ADAMDEC1: variants seen among roughly 807,000 people sequenced by gnomAD.
ADAMDEC1 encodes ADAM DEC1.
Under a neutral mutation model 60.4 loss-of-function variants are expected in ADAMDEC1, and 62 were observed. The observed-to-expected ratio is 1.03, with a 90% confidence interval of 0.84 to 1.27. ADAMDEC1 has a LOEUF of 1.27. Ranked by LOEUF, ADAMDEC1 falls within the 50% of genes most tolerant of loss-of-function variation. The probability of loss-of-function intolerance (pLI) is 0.00; values close to 1 mark genes in which losing one functional copy is unlikely to be tolerated. For missense variants in ADAMDEC1, 595 were observed against 565.0 expected (o/e 1.05, Z -0.54); for synonymous variants, 210 against 195.1 (o/e 1.08, Z -0.64).
intron 4 of ADAMDEC1, among the ~76,000 whole-genome samples, chr8:24,394,904 T>A (rs1190835981): frequency 6.6e-6 from 1 of 152,238 alleles, no homozygotes; most frequent in Non-Finnish European, 1.5e-5. Flanking sequence ...TAATGAGGAA[T>A]CTTCTCAAGT....
chr8:24,386,233 T>C (rs1817288347), intron 1 of ADAMDEC1, among the ~76,000 whole-genome samples: 1 of 152,226 alleles, frequency 6.6e-6, no homozygotes, highest in African/African-American at 2.4e-5. Context: ...GTTAACTATA[T>C]AATTTTATAC....
intron 2 of ADAMDEC1, 58 bp from the exon 3 acceptor site, chr8:24,393,204 T>C (rs939139891): frequency 2.8e-6 from 3 of 1,076,878 alleles, no homozygotes; most frequent in Non-Finnish European, 4.1e-6. Flanking sequence ...ACTACATATA[T>C]AATTATTTTA....
At chr8:24,395,458 TTAA>T (rs1817581584) in intron 4 of ADAMDEC1, among the ~76,000 whole-genome samples, 1 of 152,186 alleles carries the variant, frequency 6.6e-6, no homozygotes, top group Non-Finnish European at 1.5e-5. Context: ...TTAGTGTAAA[TTAA>T]TGTCAGAAAA....
In ADAMDEC1 at chr8:24,384,578, T is replaced by C. The variant is rs576934138; in HGVS notation, c.74T>C (p.Ile25Thr). Residue 25 changes from isoleucine (I) to threonine (T), a missense_variant, in exon 1 of 14, where the codon ATT (isoleucine) becomes ACT (threonine). By Grantham distance (89) the Ile-to-Thr change is moderately conservative. Coordinates refer to ENST00000256412, the MANE Select transcript of ADAMDEC1 (RefSeq NM_014479.3). ...GTCCTGCTGCCTGTACTTTGGCTCA[T>C]TGTTCAAACTCAAGGTACGTACCAT... ...SWVLLPVLWLIVQTQAIAIKQ... is the reference protein window; with the variant it reads ...SWVLLPVLWLTVQTQAIAIKQ... 6 of 1,610,814 alleles carry C rather than the reference T, an allele frequency of 3.7e-6. No individual in the cohort carries two copies. In the South Asian group the frequency reaches 4.4e-5, roughly 12 times the overall value.
chr8:24,404,241 T>C (rs1817835813), intron 13 of ADAMDEC1, among the ~76,000 whole-genome samples, 153 bp downstream of exon 13: 1 of 152,188 alleles, frequency 6.6e-6, no homozygotes, highest in South Asian at 2.1e-4. Context: ...CTAGCAATCA[T>C]TATGAGCATG....
rs767695894 is a variant in ADAMDEC1 at position 24,394,120 on chromosome 8, G to A, written c.336G>A (p.Glu112=). ...YTETLYSPRG[E]EITTKPENME... ...AAACATTGTACTCACCCAGAGGAGA[G>A]GAAATTACCACGAAACCTGAGAACA... Residue 112 remains glutamate, a synonymous_variant, in exon 4 of 14, where the codon GAG becomes GAA. Transcript: ENST00000256412. 1 of 1,613,196 alleles carries A rather than the reference G, an allele frequency of 6.2e-7. No homozygotes were observed. Among genetic ancestry groups the A allele is most frequent in the Non-Finnish European group, 8.5e-7 (1 of 1,179,378 alleles).
chr8:24,391,753 T>G (rs1318947177), intron 1 of ADAMDEC1, among the ~76,000 whole-genome samples: 1 of 152,156 alleles, frequency 6.6e-6, no homozygotes, highest in Non-Finnish European at 1.5e-5. Flanking sequence ...GAGTCTTTCC[T>G]AAAAGTAAAT....
chr8:24,399,099 T>G, intron 9 of ADAMDEC1, 59 bp downstream of exon 9: 1 of 1,531,802 alleles, frequency 6.5e-7, no homozygotes, highest in Middle Eastern at 1.8e-4. Context: ...CCAGGGTTCC[T>G]TAGCAGGGAT....
intron 1 of ADAMDEC1, among the ~76,000 whole-genome samples, chr8:24,384,794 C>T (rs545466971): frequency 6.6e-6 from 1 of 152,178 alleles, no homozygotes; most frequent in Admixed American, 6.5e-5. Context: ...ATATTTTAAA[C>T]CACTATATGA....
At chr8:24,401,365 C>T (rs1817761637) in intron 11 of ADAMDEC1, among the ~76,000 whole-genome samples, 1 of 152,120 alleles carries the variant, frequency 6.6e-6, no homozygotes, top group Non-Finnish European at 1.5e-5. Context: ...CTTATATTCC[C>T]ATCATCAATC....
chr8:24,401,657 A>G (rs1817768353), intron 11 of ADAMDEC1, among the ~76,000 whole-genome samples: 1 of 152,144 alleles, frequency 6.6e-6, no homozygotes. Flanking sequence ...AAATGGCCAC[A>G]TGGAAATTGA....
At chr8:24,395,060 G>A (rs938921035) in intron 4 of ADAMDEC1, among the ~76,000 whole-genome samples, 2 of 152,190 alleles carry the variant, frequency 1.3e-5, no homozygotes, top group Non-Finnish European at 2.9e-5. Flanking sequence ...CACGTAAGTG[G>A]CCCCTTAACT....
chr8:24,401,265 C>T (rs1817759366), intron 11 of ADAMDEC1, among the ~76,000 whole-genome samples: 2 of 152,014 alleles, frequency 1.3e-5, no homozygotes, highest in Non-Finnish European at 2.9e-5. Context: ...CGTATGATGA[C>T]CTTATAATTT....
At position 24,384,316 on chromosome 8, in the gene ADAMDEC1, G is replaced by T; in HGVS notation, c.-189G>T. 1.7e-6 allele frequency: 1 copy of T among 573,922 alleles called. No homozygotes were observed. The highest frequency in any genetic ancestry group is 1.9e-5 in the African/African-American group (1 of 52,306). 35.6% of individuals were successfully genotyped at this position (573,922 alleles called of 1,614,324 possible). ...GAGTCCTCAATGAGCTATAACCACA[G>T]CCATAAATATCTCTCAAAGATGAGG... On this transcript the variant is annotated 5_prime_UTR_variant, in exon 1 of 14. Coordinates refer to ENST00000256412, the MANE Select transcript of ADAMDEC1 (RefSeq NM_014479.3).
At chr8:24,403,135 TG>T (rs1374499015) in intron 12 of ADAMDEC1, among the ~76,000 whole-genome samples, 2 of 152,130 alleles carry the variant, frequency 1.3e-5, no homozygotes, top group Non-Finnish European at 2.9e-5. Flanking sequence ...CTAAAATTCT[TG>T]AATTATGTCA....
At chr8:24,401,458 A>C (rs1817763900) in intron 11 of ADAMDEC1, among the ~76,000 whole-genome samples, 2 of 152,212 alleles carry the variant, frequency 1.3e-5, no homozygotes, top group South Asian at 4.1e-4. Flanking sequence ...AGAAAAATAA[A>C]TAAAACATAC....
intron 2 of ADAMDEC1, 61 bp downstream of exon 2, chr8:24,392,441 T>C: frequency 8.0e-7 from 1 of 1,257,376 alleles, no homozygotes. Flanking sequence ...ATAAAAAGCC[T>C]TTTCACTAAC....
intron 1 of ADAMDEC1, among the ~76,000 whole-genome samples, chr8:24,389,593 C>T (rs970320303): frequency 3.9e-5 from 6 of 152,124 alleles, no homozygotes; most frequent in Admixed American, 2.6e-4. Context: ...TTCTCTACTC[C>T]GAACTCTCCA....
chr8:24,394,229 G>A, intron 4 of ADAMDEC1, 82 bp downstream of exon 4: 1 of 1,081,732 alleles, frequency 9.2e-7, no homozygotes. Flanking sequence ...ATCTCCAAAG[G>A]GCTCAATTAT....
Sources: allele counts gnomAD v4.1 joint callset (sites outside exome capture counted in the v4.1 genomes callset), GRCh38; gene constraint gnomAD v4.1.1; transcripts MANE v1.5; gene names NCBI Gene and HGNC (gene_info 2026-07-23, HGNC 2026-07-21).